Variants in PLEKHA7 observed in about 807,000 individuals in gnomAD.
PLEKHA7 encodes pleckstrin homology domain-containing family A member 7.
PLEKHA7 carries 104 observed loss-of-function variants against 170.0 expected under a neutral mutation model. That is an observed-to-expected ratio of 0.61 (90% CI 0.52 to 0.72). The LOEUF is 0.72. Among genes scored for constraint, PLEKHA7 ranks in the 30% least tolerant of loss-of-function variants. PLEKHA7 has a pLI of 0.00. For synonymous variants in PLEKHA7, 648 were observed against 660.8 expected, an observed-to-expected ratio of 0.98 and a Z score of 0.30; for missense variants, 1,615 against 1,671.7, an observed-to-expected ratio of 0.97 and a Z score of 0.59.
Position 16,934,410 on chromosome 11 carries a change from GA to G in PLEKHA7, c.222-63229del, listed in dbSNP as rs368013556. 1.7e-3 allele frequency among the ~76,000 whole-genome samples: 253 copies of G among 150,420 alleles called. 3 individuals carry two copies. The highest frequency in any genetic ancestry group is 5.7e-3 in the South Asian group (27 of 4,756). On this transcript the variant is annotated intron_variant, in intron 3 of 26. Coordinates refer to ENST00000531066, the MANE Select transcript of PLEKHA7 (RefSeq NM_001329630.2). ...GGGGGTCAGGTAGAGGTTTGGAGGG[GA>G]AAAAAAAAGCAATTTTCAAAGTTCA...
chr11:16,791,679 C>T lies in PLEKHA7; in HGVS notation c.2746-480G>A, dbSNP rs1414076218. On this transcript the variant is annotated intron_variant, in intron 19 of 26. Coordinates refer to ENST00000531066, the MANE Select transcript of PLEKHA7 (RefSeq NM_001329630.2). The surrounding 1 kb of genome is among the most constrained non-coding windows in gnomAD (Gnocchi z 4.5). ...TCTGGCGCCTTCAGCAAGGTGGGGA[C>T]CTGAACAAGGACAGAGTCTACATCC... The T allele has an allele frequency of 2.2e-6, 1 of 458,688 alleles. No homozygotes were observed. Among genetic ancestry groups the T allele is most frequent in the Non-Finnish European group, 4.4e-6 (1 of 228,488 alleles). The allele number at this position is 458,688 out of a possible 1,614,324, so 28.4% of individuals were successfully genotyped here. A position where few individuals can be genotyped will look rare whatever the true frequency, so the allele number is the denominator to read the frequency against.
intron 3 of PLEKHA7, among the ~76,000 whole-genome samples, chr11:16,903,552 G>A (rs1477705787): frequency 1.3e-5 from 2 of 152,152 alleles, no homozygotes; most frequent in Non-Finnish European, 1.5e-5. Flanking sequence ...AGGGATTATG[G>A]ATTGTAGAGA....
At chr11:16,916,548 A>G (rs958393515) in intron 3 of PLEKHA7, among the ~76,000 whole-genome samples, 1 of 152,196 alleles carries the variant, frequency 6.6e-6, no homozygotes, top group African/African-American at 2.4e-5. Context: ...ATTAGATCGG[A>G]CAATGTGTAA....
chr11:16,781,344 C>G (rs1849007559), intron 26 of PLEKHA7: 2 of 152,466 alleles, frequency 1.3e-5, no homozygotes, highest in African/African-American at 4.8e-5. Flanking sequence ...CTGGCCGCAG[C>G]ATGTTAGGGC....
chr11:16,866,484 C>T (rs1248612810), intron 4 of PLEKHA7, among the ~76,000 whole-genome samples: 3 of 152,046 alleles, frequency 2.0e-5, no homozygotes, highest in Non-Finnish European at 2.9e-5. Flanking sequence ...CCCAGCTACT[C>T]GGGAGACTGA....
At chr11:17,011,998 T>C (rs1370788527) in intron 3 of PLEKHA7, among the ~76,000 whole-genome samples, 2 of 152,140 alleles carry the variant, frequency 1.3e-5, no homozygotes, top group South Asian at 2.1e-4. Flanking sequence ...GAAGAGCCTA[T>C]TTCCTAAACA....
intron 3 of PLEKHA7, among the ~76,000 whole-genome samples, chr11:16,880,904 T>G (rs911374356): frequency 1.3e-5 from 2 of 152,186 alleles, no homozygotes; most frequent in African/African-American, 4.8e-5. Context: ...CTGTAGCATT[T>G]TAAGATGCTG....
At chr11:16,938,857 A>C (rs1202486267) in intron 3 of PLEKHA7, among the ~76,000 whole-genome samples, 1 of 152,250 alleles carries the variant, frequency 6.6e-6, no homozygotes, top group Non-Finnish European at 1.5e-5. Context: ...TGTAAATAAT[A>C]ATCAGACACA....
At chr11:16,787,401 G>A (rs1849470528) in intron 23 of PLEKHA7, 1 of 149,214 alleles carries the variant, frequency 6.7e-6, no homozygotes, top group African/African-American at 2.5e-5. Flanking sequence ...TCATGCACAA[G>A]CTCTCAATGA....
In PLEKHA7 at chr11:17,013,888, C is replaced by T; in HGVS notation, c.221+101G>A. Reference sequence around the variant, plus strand: ...GCGGCGCAGCGCGCGCCAACGAGCCCGGGCCGGCGGGAGCAGAGGAAGGGC... The same window carrying T: ...GCGGCGCAGCGCGCGCCAACGAGCCTGGGCCGGCGGGAGCAGAGGAAGGGC... On this transcript the variant is annotated intron_variant, in intron 3 of 26. Transcript: ENST00000531066. 3.8e-6 allele frequency: 5 copies of T among 1,303,540 alleles called. No homozygotes were observed. The South Asian group carries it at 5.1e-5, about 13-fold the overall frequency. 80.7% of individuals were successfully genotyped at this position (1,303,540 alleles called of 1,614,324 possible).
At chr11:16,967,166 C>G (rs1434196563) in intron 3 of PLEKHA7, among the ~76,000 whole-genome samples, 1 of 152,212 alleles carries the variant, frequency 6.6e-6, no homozygotes, top group Non-Finnish European at 1.5e-5. Context: ...ATTTTTTAAA[C>G]TGGCTGTTAA....
rs759354216 is a variant in PLEKHA7 at position 16,803,227 on chromosome 11, G to C, written c.2076C>G (p.Asp692Glu). Reference sequence around the variant, plus strand: ...TCAGCGTGTCACTCTGCTCACTCACGTCAGTGTCGCTCTCAGCGATCTTCA... The same window carrying C: ...TCAGCGTGTCACTCTGCTCACTCACCTCAGTGTCGCTCTCAGCGATCTTCA... ...KPVKIAESDT[D>E]VKLSIFCEQD... The change falls in exon 14 of 27, where the codon GAC becomes GAG. Residue 692 changes from aspartate to glutamate, a missense_variant and splice_region_variant. Physicochemically the swap from Asp to Glu is conservative, Grantham distance 45. Coordinates refer to ENST00000531066, the MANE Select transcript of PLEKHA7 (RefSeq NM_001329630.2). The C allele has an allele frequency of 4.3e-6, 7 of 1,613,286 alleles. No individual in the cohort carries two copies. The East Asian group carries it at 1.6e-4, about 36-fold the overall frequency.
chr11:16,881,317 T>G (rs1290933782), intron 3 of PLEKHA7: 2 of 152,186 alleles, frequency 1.3e-5, no homozygotes, highest in Admixed American at 6.5e-5. Context: ...GATAGTGTCT[T>G]CCCCAGCTGC....
chr11:16,866,355 G>A lies in PLEKHA7; in HGVS notation c.305+4744C>T, dbSNP rs536460843. Reference sequence around the variant, plus strand: ...GCCTGTAATCCCAGCACTTTGGGAGGCCAAGGCGGGCAGATCACCTGAGGT... The same window carrying A: ...GCCTGTAATCCCAGCACTTTGGGAGACCAAGGCGGGCAGATCACCTGAGGT... On this transcript the variant is annotated intron_variant, in intron 4 of 26. Coordinates refer to ENST00000531066, the MANE Select transcript of PLEKHA7 (RefSeq NM_001329630.2). 6.6e-5 allele frequency among the ~76,000 whole-genome samples: 10 copies of A among 151,340 alleles called. No individual in the cohort carries two copies. In the South Asian group the frequency reaches 2.1e-3, roughly 32 times the overall value.
At chr11:16,891,607 G>A (rs780410299) in intron 3 of PLEKHA7, among the ~76,000 whole-genome samples, 13 of 152,178 alleles carry the variant, frequency 8.5e-5, no homozygotes, top group Non-Finnish European at 1.5e-4. Context: ...TCAACAGCAT[G>A]GAAAAGCTAT....
intron 7 of PLEKHA7, 96 bp downstream of exon 7, chr11:16,852,187 C>T (rs992201936): frequency 1.8e-5 from 18 of 1,016,082 alleles, no homozygotes; most frequent in Non-Finnish European, 2.7e-5. Flanking sequence ...ACAGATTGAA[C>T]TTCCTGTGTT....
At chr11:16,802,506 TA>T (rs1474486468) in intron 15 of PLEKHA7, among the ~76,000 whole-genome samples, 9 of 151,602 alleles carry the variant, frequency 5.9e-5, no homozygotes, top group Non-Finnish European at 8.8e-5. Flanking sequence ...AGGGTCTCTA[TA>T]AGATAGAAAC....
intron 3 of PLEKHA7, among the ~76,000 whole-genome samples, chr11:16,890,718 T>A (rs1423492618): frequency 6.6e-6 from 1 of 152,050 alleles, no homozygotes; most frequent in Non-Finnish European, 1.5e-5. Flanking sequence ...AGGTAACAGT[T>A]ATTACTGAAC....
intron 9 of PLEKHA7, among the ~76,000 whole-genome samples, chr11:16,841,220 G>A (rs1488246710): frequency 1.3e-5 from 2 of 152,128 alleles, no homozygotes; most frequent in African/African-American, 4.8e-5. Flanking sequence ...CAGCAACATG[G>A]CAGTTAGTCT....
Sources: gnomAD v4.1 joint callset for allele counts (sites outside exome capture counted in the v4.1 genomes callset) on GRCh38, gnomAD v4.1.1 for gene constraint, Gnocchi (gnomAD v3.1) non-coding constraint, MANE v1.5 for transcripts, NCBI Gene and HGNC (gene_info 2026-07-23, HGNC 2026-07-21) for gene names.